The following PDE7B variants were observed in gnomAD, a reference collection of about 807,000 sequenced individuals.
PDE7B encodes phosphodiesterase 7B, also known as 3',5'-cyclic-AMP phosphodiesterase 7B.
A neutral mutation model predicts 56.2 loss-of-function variants in PDE7B; 29 were observed. The ratio of observed to expected loss-of-function variants is 0.52; its 90% CI spans 0.38 to 0.70. The LOEUF (loss-of-function observed/expected upper bound fraction) is 0.70. Among genes scored for constraint, PDE7B ranks in the 30% least tolerant of loss-of-function variants. The probability of loss-of-function intolerance (pLI) is 0.00; values close to 1 mark genes in which losing one functional copy is unlikely to be tolerated. For missense variants in PDE7B, 490 were observed against 565.0 expected (o/e 0.87, Z 1.35); for synonymous variants, 197 against 196.9 (o/e 1.00, Z 0.00).
intron 2 of PDE7B, among the ~76,000 whole-genome samples, chr6:135,960,278 A>G (rs1231488286): frequency 1.3e-5 from 2 of 152,200 alleles, no homozygotes; most frequent in African/African-American, 4.8e-5. Context: ...TAGCAACTGT[A>G]CCATTGAAAA....
At chr6:136,061,210 CTGTG>C (rs1277016735) in intron 2 of PDE7B, among the ~76,000 whole-genome samples, 2 of 151,954 alleles carry the variant, frequency 1.3e-5, no homozygotes. Flanking sequence ...GTGTGTGTTT[CTGTG>C]TGTATGTGTT....
intron 1 of PDE7B, among the ~76,000 whole-genome samples, chr6:135,894,219 T>G (rs1261669047): frequency 6.6e-6 from 1 of 152,212 alleles, no homozygotes; most frequent in Non-Finnish European, 1.5e-5. Flanking sequence ...TTATTAGACG[T>G]TTTAAACTAG....
At chr6:136,058,439 C>T (rs1446731267) in intron 2 of PDE7B, among the ~76,000 whole-genome samples, 1 of 152,134 alleles carries the variant, frequency 6.6e-6, no homozygotes, top group Non-Finnish European at 1.5e-5. Flanking sequence ...GTCCCCATCC[C>T]ACCTCCAGTG....
At chr6:136,038,208 G>A (rs892153421) in intron 2 of PDE7B, 7 of 1,299,682 alleles carry the variant, frequency 5.4e-6, no homozygotes, top group East Asian at 5.3e-5. Flanking sequence ...AGCAGCAGAA[G>A]CAGAAACAGC....
intron 2 of PDE7B, among the ~76,000 whole-genome samples, chr6:135,978,120 A>G (rs943359977): frequency 6.6e-6 from 1 of 152,124 alleles, no homozygotes; most frequent in Admixed American, 6.6e-5. Context: ...CACTTACACA[A>G]ACCTGGATGG....
At chr6:136,091,857 G>A (rs1183034300) in intron 2 of PDE7B, among the ~76,000 whole-genome samples, 1 of 152,036 alleles carries the variant, frequency 6.6e-6, no homozygotes, top group Non-Finnish European at 1.5e-5. Context: ...AGATACAGAT[G>A]GTAGAATCTT....
intron 3 of PDE7B, among the ~76,000 whole-genome samples, chr6:136,123,632 A>G (rs560815048): frequency 1.3e-5 from 2 of 152,374 alleles, no homozygotes; most frequent in South Asian, 2.1e-4. Context: ...ATTATAGCAT[A>G]ATCAAAAACT....
intron 2 of PDE7B, among the ~76,000 whole-genome samples, chr6:135,997,731 G>A (rs1775591407): frequency 6.6e-6 from 1 of 152,024 alleles, no homozygotes; most frequent in Admixed American, 6.6e-5. Flanking sequence ...AAGGAGAACT[G>A]TTTTTCTTAC....
intron 1 of PDE7B, among the ~76,000 whole-genome samples, chr6:135,890,800 G>A (rs1583743437): frequency 6.6e-6 from 1 of 152,136 alleles, no homozygotes; most frequent in Admixed American, 6.5e-5. Flanking sequence ...AAACGAGCAT[G>A]GTCCATATAG....
intron 3 of PDE7B, among the ~76,000 whole-genome samples, chr6:136,146,597 A>C (rs555726404): frequency 6.6e-6 from 1 of 152,310 alleles, no homozygotes; most frequent in South Asian, 2.1e-4. Flanking sequence ...CCATTTCCTC[A>C]TGTGTAAACT....
intron 2 of PDE7B, among the ~76,000 whole-genome samples, chr6:136,024,053 T>C (rs1318983711): frequency 6.6e-6 from 1 of 152,156 alleles, no homozygotes; most frequent in Non-Finnish European, 1.5e-5. Flanking sequence ...TTGATGGTGA[T>C]CTAGGAAAGG....
chr6:135,925,859 A>T (rs1349449337), intron 1 of PDE7B, among the ~76,000 whole-genome samples: 8 of 152,088 alleles, frequency 5.3e-5, no homozygotes, highest in South Asian at 2.1e-4. Context: ...AATTTTTTTT[A>T]AAAAATGTTT....
chr6:136,056,092 G>A (rs968375664), intron 2 of PDE7B, among the ~76,000 whole-genome samples: 12 of 152,160 alleles, frequency 7.9e-5, no homozygotes, highest in Non-Finnish European at 1.3e-4. Context: ...AAACGTAGAA[G>A]GAGGAGGAGG....
In PDE7B at chr6:135,901,201, A is replaced by C. The variant is rs545512716; in HGVS notation, c.22-46263A>C. Among the ~76,000 whole-genome samples, 27 of 152,076 alleles carry C rather than the reference A, an allele frequency of 1.8e-4. 1 individual carries two copies. The South Asian group carries it at 5.4e-3, about 31-fold the overall frequency. ...AATGAAGCAAAGCAGAAATAGAAAA[A>C]CTCTACATTCATACTTGGGCTTCTC... On this transcript the variant is annotated intron_variant, in intron 1 of 12. Transcript: ENST00000308191.
intron 2 of PDE7B, among the ~76,000 whole-genome samples, chr6:136,076,931 A>G (rs1034336556): frequency 6.6e-6 from 1 of 152,194 alleles, no homozygotes; most frequent in African/African-American, 2.4e-5. Context: ...ACATTTGTTC[A>G]GGGGTCCCTG....
chr6:136,041,131 A>G (rs1776405757), intron 2 of PDE7B, among the ~76,000 whole-genome samples: 1 of 152,188 alleles, frequency 6.6e-6, no homozygotes, highest in Non-Finnish European at 1.5e-5. Flanking sequence ...TCGAACCAAC[A>G]GTTACTTTAG....
intron 1 of PDE7B, among the ~76,000 whole-genome samples, chr6:135,874,146 C>A (rs1016959652): frequency 1.3e-5 from 2 of 152,058 alleles, no homozygotes; most frequent in Non-Finnish European, 2.9e-5. Context: ...AGGGAGTAAA[C>A]CATGCAGATA....
intron 1 of PDE7B, among the ~76,000 whole-genome samples, chr6:135,876,113 G>A (rs1269785216): frequency 6.6e-6 from 1 of 152,124 alleles, no homozygotes; most frequent in Non-Finnish European, 1.5e-5. Flanking sequence ...AGGAATATGG[G>A]GTAGGAAAAG....
intron 1 of PDE7B, among the ~76,000 whole-genome samples, chr6:135,929,705 C>T (rs1774259327): frequency 6.6e-6 from 1 of 152,116 alleles, no homozygotes; most frequent in African/African-American, 2.4e-5. Context: ...TGATTTGATA[C>T]TAGGAAATTC....
Sources: allele counts gnomAD v4.1 joint callset (sites outside exome capture counted in the v4.1 genomes callset), GRCh38; gene constraint gnomAD v4.1.1; transcripts MANE v1.5; gene names NCBI Gene and HGNC (gene_info 2026-07-23, HGNC 2026-07-21).